The following AVEN variants were observed in gnomAD, a reference collection of about 807,000 sequenced individuals.
The protein encoded by AVEN is cell death regulator Aven.
In AVEN, 41 loss-of-function variants were observed where a neutral mutation model predicts 38.1. The observed-to-expected ratio is 1.08, with a 90% CI of 0.84 to 1.40. AVEN has a LOEUF of 1.40. AVEN is among the 40% of genes most tolerant of loss of function. The pLI, the probability that AVEN is intolerant of heterozygous loss-of-function variation, is 0.00. For synonymous variants in AVEN, 206 were observed against 171.8 expected (o/e 1.20, Z -1.56); for missense variants, 605 against 438.8 (o/e 1.38, Z -3.38).
intron 2 of AVEN, among the ~76,000 whole-genome samples, chr15:33,997,057 C>T (rs1369755577): frequency 3.3e-5 from 5 of 152,030 alleles, no homozygotes; most frequent in African/African-American, 1.2e-4. Flanking sequence ...ATGTAGCAAA[C>T]AATAAAATGT....
chr15:34,028,954 T>C (rs771559495), intron 1 of AVEN, among the ~76,000 whole-genome samples: 2 of 152,198 alleles, frequency 1.3e-5, no homozygotes, highest in Non-Finnish European at 2.9e-5. Context: ...TACTTGGTTT[T>C]GAGAGGTTAT....
At chr15:33,903,562 G>C (rs1218888982) in intron 2 of AVEN, among the ~76,000 whole-genome samples, 1 of 152,086 alleles carries the variant, frequency 6.6e-6, no homozygotes, top group Non-Finnish European at 1.5e-5. Flanking sequence ...TACATGCTTT[G>C]GCATTACATA....
At chr15:34,043,133 G>C (rs1414076671), upstream of AVEN, among the ~76,000 whole-genome samples, 1 of 151,812 alleles carries the variant, frequency 6.6e-6, no homozygotes, top group Non-Finnish European at 1.5e-5. Flanking sequence ...TGTAGTCCCA[G>C]CTACTTGGGA....
At chr15:33,983,158 G>GTGTGTA (rs1373777751) in intron 2 of AVEN, among the ~76,000 whole-genome samples, 5 of 136,328 alleles carry the variant, frequency 3.7e-5, no homozygotes, top group South Asian at 2.3e-4. Context: ...GTGTGTGTGT[G>GTGTGTA]TATGTGTGTG....
chr15:34,027,421 C>T (rs1012111092), intron 1 of AVEN, among the ~76,000 whole-genome samples: 2 of 151,412 alleles, frequency 1.3e-5, no homozygotes, highest in African/African-American at 4.9e-5. Context: ...CCCAGCTACA[C>T]AGGAGGCTGA....
At chr15:34,031,881 C>T (rs1226996645) in intron 1 of AVEN, among the ~76,000 whole-genome samples, 1 of 152,196 alleles carries the variant, frequency 6.6e-6, no homozygotes, top group Non-Finnish European at 1.5e-5. Flanking sequence ...AAATATTCTC[C>T]ATAACCATTA....
chr15:33,886,839 T>C (rs1597192956), intron 2 of AVEN, among the ~76,000 whole-genome samples: 1 of 152,362 alleles, frequency 6.6e-6, no homozygotes, highest in South Asian at 2.1e-4. Context: ...AAGGCTGGTA[T>C]GGTGGCCCAG....
intron 2 of AVEN, among the ~76,000 whole-genome samples, chr15:33,952,284 T>C (rs1365819740): frequency 6.6e-6 from 1 of 151,292 alleles, no homozygotes; most frequent in African/African-American, 2.4e-5. Flanking sequence ...ATAGAGGGAG[T>C]TGGAGGAGGC....
intron 2 of AVEN, among the ~76,000 whole-genome samples, chr15:33,992,370 A>G (rs901957441): frequency 1.3e-5 from 2 of 152,058 alleles, no homozygotes; most frequent in Non-Finnish European, 2.9e-5. Flanking sequence ...AGCCTGCGCG[A>G]CAGATCAGGA....
chr15:33,881,413 G>T (rs779285270), intron 2 of AVEN, among the ~76,000 whole-genome samples: 22 of 151,932 alleles, frequency 1.4e-4, no homozygotes, highest in Non-Finnish European at 2.8e-4. Context: ...TTATGTTTTA[G>T]ATAAGGTCTC....
chr15:33,981,194 C>T (rs1284705225), intron 2 of AVEN, among the ~76,000 whole-genome samples: 1 of 152,124 alleles, frequency 6.6e-6, no homozygotes, highest in African/African-American at 2.4e-5. Context: ...AACAGCGATG[C>T]CTTATCAATT....
chr15:34,074,451 G>A (rs1399881074), exon 1 of AVEN, among the ~76,000 whole-genome samples: 1 of 152,180 alleles, frequency 6.6e-6, no homozygotes, highest in East Asian at 1.9e-4. Flanking sequence ...CATAGTTCTG[G>A]AGGCCAGAAG....
In AVEN at chr15:33,926,155, G is replaced by A. The variant is rs115039234; in HGVS notation, c.446-50160C>T. 3.7e-3 allele frequency among the ~76,000 whole-genome samples: 556 copies of A among 152,242 alleles called. 4 individuals carry two copies. Among genetic ancestry groups the A allele is most frequent in the African/African-American group, 0.013 (522 of 41,522 alleles). ...ATGTGAAAAGTATTTCCCAGAGTCT[G>A]GAAAACACAGTGCAATTAAGCAGCT... On this transcript the variant is annotated intron_variant, in intron 2 of 5. Transcript: ENST00000306730.
intron 3 of AVEN, among the ~76,000 whole-genome samples, chr15:33,871,516 C>G (rs961718298): frequency 6.6e-6 from 1 of 151,666 alleles, no homozygotes; most frequent in Non-Finnish European, 1.5e-5. Context: ...CGCAGGGAGC[C>G]GAGATCGCAA....
intron 2 of AVEN, among the ~76,000 whole-genome samples, chr15:33,983,882 T>C (rs1896304822): frequency 6.6e-6 from 1 of 151,340 alleles, no homozygotes; most frequent in Non-Finnish European, 1.5e-5. Context: ...GAAAGGTACA[T>C]CATCTTAGGG....
chr15:33,852,874 C>A, the AVEN span: 2 of 614,178 alleles, frequency 3.3e-6, no homozygotes. Flanking sequence ...CCATACATGA[C>A]TCAGTAGAGC....
chr15:33,998,575 C>T (rs1490250572), intron 2 of AVEN, among the ~76,000 whole-genome samples: 2 of 152,222 alleles, frequency 1.3e-5, no homozygotes, highest in African/African-American at 2.4e-5. Context: ...TTTATACCTG[C>T]TGTCTCAAAC....
intron 2 of AVEN, among the ~76,000 whole-genome samples, chr15:33,931,552 A>G (rs1263124560): frequency 2.0e-5 from 3 of 151,800 alleles, no homozygotes; most frequent in African/African-American, 7.3e-5. Flanking sequence ...TTGTATTTTT[A>G]GTAGAGGCGG....
chr15:34,005,466 T>G (rs1897303015), intron 1 of AVEN, among the ~76,000 whole-genome samples: 1 of 152,202 alleles, frequency 6.6e-6, no homozygotes, highest in African/African-American at 2.4e-5. Context: ...TATAAACTAA[T>G]CTTAAAAATG....
Sources: gnomAD v4.1 joint callset for allele counts (sites outside exome capture counted in the v4.1 genomes callset) on GRCh38, gnomAD v4.1.1 for gene constraint, MANE v1.5 for transcripts, NCBI Gene and HGNC (gene_info 2026-07-23, HGNC 2026-07-21) for gene names.